The following ASS1 variants were observed in gnomAD, a reference collection of about 807,000 sequenced individuals.
ASS1 encodes argininosuccinate synthase.
ASS1 carries 58 observed loss-of-function variants against 60.5 expected under a neutral mutation model. The observed-to-expected ratio is 0.96, with a 90% confidence interval of 0.78 to 1.19. The LOEUF is 1.19. ASS1 is among the 50% of genes most tolerant of loss of function. ASS1 has a pLI of 0.00. For synonymous variants in ASS1, 200 were observed against 206.9 expected (o/e 0.97, Z 0.29); for missense variants, 454 against 547.3 (o/e 0.83, Z 1.70).
intron 11 of ASS1, among the ~76,000 whole-genome samples, chr9:130,484,112 G>A (rs1032550941): frequency 1.3e-5 from 2 of 152,116 alleles, no homozygotes; most frequent in Non-Finnish European, 2.9e-5. Context: ...CCATCACCAT[G>A]GCAACTGCTT....
At chr9:130,461,219 T>C (rs1845582898) in intron 4 of ASS1, among the ~76,000 whole-genome samples, 1 of 150,338 alleles carries the variant, frequency 6.7e-6, no homozygotes, top group Non-Finnish European at 1.5e-5. Flanking sequence ...GGTGGGTGAG[T>C]ATGGGTGGGT....
At chr9:130,496,151 T>C (rs560387193) in intron 13 of ASS1, among the ~76,000 whole-genome samples, 7 of 152,204 alleles carry the variant, frequency 4.6e-5, no homozygotes, top group Non-Finnish European at 8.8e-5. Flanking sequence ...CCAGGCAAGA[T>C]GGTGCACACC....
At chr9:130,455,731 G>T (rs1261276203) in intron 3 of ASS1, among the ~76,000 whole-genome samples, 2 of 152,248 alleles carry the variant, frequency 1.3e-5, no homozygotes, top group East Asian at 3.8e-4. Flanking sequence ...CCTTCATTTG[G>T]GAGAGTGAGC....
chr9:130,447,734 C>T (rs1278686373), intron 1 of ASS1, among the ~76,000 whole-genome samples: 1 of 152,138 alleles, frequency 6.6e-6, no homozygotes, highest in African/African-American at 2.4e-5. Context: ...GCGCAGCTCC[C>T]AGGAAGAAAG....
rs1846526033 is a variant in ASS1, at chr9:130,494,193, T to C, written c.971-674T>C. Among the ~76,000 whole-genome samples the C allele has an allele frequency of 6.6e-6, 1 of 152,214 alleles. No homozygotes were observed. Among genetic ancestry groups the C allele is most frequent in the African/African-American group, 2.4e-5 (1 of 41,450 alleles). ...TGCTTATCTATGCAGAAATATTCTA[T>C]CTGCCCAGGAAAACAGCAGCAGGTG... On this transcript the variant is annotated intron_variant, in intron 12 of 14. Coordinates refer to ENST00000352480, the MANE Select transcript of ASS1 (RefSeq NM_054012.4). This position sits in a 1 kb window ranked among gnomAD's most constrained non-coding sequence, Gnocchi z 4.3.
At chr9:130,461,823 C>G (rs969894016) in intron 4 of ASS1, among the ~76,000 whole-genome samples, 3 of 152,196 alleles carry the variant, frequency 2.0e-5, no homozygotes, top group Non-Finnish European at 4.4e-5. Flanking sequence ...TGAGTATCCA[C>G]CCAGCACTGC....
intron 2 of ASS1, 25 bp downstream of exon 2, chr9:130,452,358 T>A (rs749580972): frequency 5.0e-6 from 8 of 1,594,250 alleles, no homozygotes; most frequent in Non-Finnish European, 6.9e-6. Flanking sequence ...TGGGTGTCTG[T>A]CTTCCTGCGT....
chr9:130,462,933 T>G (rs1845637649), intron 4 of ASS1, among the ~76,000 whole-genome samples: 1 of 152,148 alleles, frequency 6.6e-6, no homozygotes, highest in Non-Finnish European at 1.5e-5. Flanking sequence ...GAGCTTCACT[T>G]TCCTCACCCA....
rs571874339 is a variant in ASS1 at position 130,462,769 on chromosome 9, T to C, written c.364-1342T>C. On this transcript the variant is annotated intron_variant, in intron 4 of 14. Coordinates refer to ENST00000352480, the MANE Select transcript of ASS1 (RefSeq NM_054012.4). ...GGCCGCCCCCACCTCAGTGTCCTCA[T>C]CCGTAAGATGGGACTAATAGAACCT... Among the ~76,000 whole-genome samples the C allele has an allele frequency of 1.1e-3, 161 of 152,276 alleles. 1 individual carries two copies. Among genetic ancestry groups the C allele is most frequent in the African/African-American group, 3.8e-3 (156 of 41,546 alleles).
rs769672308 is a variant in ASS1 at position 130,452,267 on chromosome 9, C to T, written c.39C>T (p.Gly13=). The part of the protein sequence containing the change: ...SKGSVVLAYS[G]GLDTSCILVW... ...GCTCCGTGGTTCTGGCCTACAGTGG[C>T]GGCCTGGACACCTCGTGCATCCTCG... is the stretch of plus-strand genomic sequence containing the variant. Residue 13 remains glycine, a synonymous_variant, in exon 2 of 15, where the codon GGC becomes GGT. Transcript: ENST00000352480. 1.8e-5 allele frequency: 29 copies of T among 1,614,056 alleles called. No homozygotes were observed. The East Asian group carries it at 2.9e-4, about 16-fold the overall frequency.
chr9:130,477,724 G>A lies in ASS1; in HGVS notation c.688+763G>A, dbSNP rs2118834430. On this transcript the variant is annotated intron_variant, in intron 9 of 14. Coordinates refer to ENST00000352480, the MANE Select transcript of ASS1 (RefSeq NM_054012.4). This position sits in a 1 kb window ranked among gnomAD's most constrained non-coding sequence, Gnocchi z 4.2. ...GAGGGCCTGAAGGGGTACCTTTTCAGGAGGCTGGAGTGATCAGGGAGGCTT... is the reference window on the plus strand; with the variant it reads ...GAGGGCCTGAAGGGGTACCTTTTCAAGAGGCTGGAGTGATCAGGGAGGCTT... Among the ~76,000 whole-genome samples the A allele has an allele frequency of 6.6e-6, 1 of 152,348 alleles. No homozygotes were observed. Among genetic ancestry groups the A allele is most frequent in the South Asian group, 2.1e-4 (1 of 4,834 alleles).
At chr9:130,496,346 G>A (rs1243445803) in intron 13 of ASS1, among the ~76,000 whole-genome samples, 1 of 152,032 alleles carries the variant, frequency 6.6e-6, no homozygotes, top group Non-Finnish European at 1.5e-5. Context: ...TCTTGAGTCT[G>A]TGAGATCAAG....
chr9:130,471,549 C>T lies in ASS1; in HGVS notation c.597+34C>T, dbSNP rs1220885791. ...CCAAACCCCATCTCCTCCCAGCTGG[C>T]CACCTTTGGTGGTAGCAGCTCCATG... is the stretch of plus-strand genomic sequence containing the variant. On this transcript the variant is annotated intron_variant, in intron 8 of 14. Coordinates refer to ENST00000352480, the MANE Select transcript of ASS1 (RefSeq NM_054012.4). 2 of 1,605,418 alleles carry T rather than the reference C, an allele frequency of 1.2e-6. 1 individual carries two copies. Among genetic ancestry groups the T allele is most frequent in the East Asian group, 4.5e-5 (2 of 44,822 alleles).
intron 5 of ASS1, chr9:130,466,451 G>A (rs955231033): frequency 3.7e-6 from 2 of 544,054 alleles, no homozygotes; most frequent in South Asian, 4.0e-5. Context: ...CATCTGGGGA[G>A]ACTGAGGCCC....
rs139358566 is a variant in ASS1, at chr9:130,473,299, G to A, written c.597+1784G>A. Among the ~76,000 whole-genome samples, 575 of 152,244 alleles carry A rather than the reference G, an allele frequency of 3.8e-3. 4 individuals are homozygous for A. Among genetic ancestry groups the A allele is most frequent in the South Asian group, 0.037 (176 of 4,814 alleles). ...ACCTCCCTCCTAGGGCATCTAAAGC[G>A]CTTGGCCTGTCTCAGGGCAAGCCCT... On this transcript the variant is annotated intron_variant, in intron 8 of 14. Coordinates refer to ENST00000352480, the MANE Select transcript of ASS1 (RefSeq NM_054012.4).
chr9:130,454,273 G>T (rs776963767), intron 2 of ASS1, 32 bp from the exon 3 acceptor site: 2 of 1,601,358 alleles, frequency 1.2e-6, no homozygotes, highest in East Asian at 4.5e-5. Context: ...CCCCCCAGGG[G>T]CTGACGGAGC....
intron 3 of ASS1, among the ~76,000 whole-genome samples, chr9:130,457,241 A>G (rs1437213662): frequency 6.6e-6 from 1 of 152,076 alleles, no homozygotes; most frequent in Non-Finnish European, 1.5e-5. Context: ...CTTCCTCGCT[A>G]TGTGATGCCT....
At chr9:130,464,251 T>G in intron 5 of ASS1, 84 bp downstream of exon 5, 1 of 1,505,048 alleles carries the variant, frequency 6.6e-7, no homozygotes, top group Non-Finnish European at 9.2e-7. Flanking sequence ...TCTGGGAGAT[T>G]CCACAGGACA....
intron 1 of ASS1, chr9:130,451,646 C>G (rs1845329031): frequency 1.4e-5 from 5 of 358,592 alleles, no homozygotes; most frequent in South Asian, 1.0e-4. Flanking sequence ...ATTCTTGTGC[C>G]CTCTGTGACC....
Sources: gnomAD v4.1 joint callset for allele counts (sites outside exome capture counted in the v4.1 genomes callset) on GRCh38, gnomAD v4.1.1 for gene constraint, Gnocchi (gnomAD v3.1) non-coding constraint, MANE v1.5 for transcripts, NCBI Gene and HGNC (gene_info 2026-07-23, HGNC 2026-07-21) for gene names.